The following ANKRD36 variants were observed in gnomAD, a reference collection of about 807,000 sequenced individuals.
ANKRD36 encodes the protein ankyrin repeat domain-containing protein 36A.
Under a neutral mutation model 278.1 loss-of-function variants are expected in ANKRD36, and 179 were observed. The ratio of observed to expected loss-of-function variants is 0.64; its 90% CI spans 0.57 to 0.73. ANKRD36 has a LOEUF of 0.73. Among genes scored for constraint, ANKRD36 ranks in the 30% least tolerant of loss-of-function variants. ANKRD36 has a pLI of 0.00. For synonymous variants in ANKRD36, 320 were observed against 641.1 expected (o/e 0.50, Z 7.57); for missense variants, 1,159 against 1,956.7 (o/e 0.59, Z 7.69).
In ANKRD36 at chr2:97,200,336, T is replaced by A. The variant is rs771732501; in HGVS notation, c.2758T>A (p.Ser920Thr). 4 of 1,607,240 alleles carry A rather than the reference T, an allele frequency of 2.5e-6. No homozygotes were observed. The highest frequency in any genetic ancestry group is 3.4e-6 in the Non-Finnish European group (4 of 1,178,700). ...KKDGEKTKRV[S>T]SRKKPSLEAT... Reference sequence around the variant, plus strand: ...TATGTATCCCTTTTGCTTTTCAGTGTCTTCTCGGAAAAAACCATCCTTGGA... The same window carrying A: ...TATGTATCCCTTTTGCTTTTCAGTGACTTCTCGGAAAAAACCATCCTTGGA... Residue 920 changes from serine to threonine, a missense_variant and splice_region_variant, in exon 45 of 76, where the codon TCT (serine) becomes ACT (threonine). Transcript: ENST00000420699.
chr2:97,231,338 G>A (rs1416159302), intron 67 of ANKRD36, among the ~76,000 whole-genome samples: 1 of 152,164 alleles, frequency 6.6e-6, no homozygotes, highest in Non-Finnish European at 1.5e-5. Flanking sequence ...CTGGGCAATG[G>A]CAGGTGCCCC....
intron 32 of ANKRD36, among the ~76,000 whole-genome samples, chr2:97,187,867 A>T (rs945518788): frequency 3.3e-5 from 5 of 151,802 alleles, no homozygotes; most frequent in Non-Finnish European, 7.4e-5. Context: ...TTCCCAAGGA[A>T]GATGGATTGT....
intron 32 of ANKRD36, among the ~76,000 whole-genome samples, chr2:97,188,552 A>G (rs558976874): frequency 2.5e-4 from 35 of 140,414 alleles, no homozygotes; most frequent in African/African-American, 8.5e-4. Flanking sequence ...GCAAACAGAT[A>G]TCCAAGGTGA....
chr2:97,191,276 C>A, intron 36 of ANKRD36, 95 bp downstream of exon 36: 2 of 1,311,342 alleles, frequency 1.5e-6, no homozygotes, highest in South Asian at 1.5e-5. Flanking sequence ...GTCGAAGCTG[C>A]ACATTATCAT....
chr2:97,187,494 G>GGGGGGTGC, intron 32 of ANKRD36, 93 bp downstream of exon 32: 1 of 95,518 alleles, frequency 1.0e-5, no homozygotes, highest in South Asian at 1.4e-4. Flanking sequence ...GGGTGGGGGG[G>GGGGGGTGC]CTCGCCGAAG....
At chr2:97,183,676 A>C (rs1265765057) in intron 28 of ANKRD36, 22 bp downstream of exon 28, 3 of 1,558,708 alleles carry the variant, frequency 1.9e-6, no homozygotes, top group Non-Finnish European at 2.6e-6. Flanking sequence ...ATACACATTT[A>C]ATGTCATGTG....
intron 6 of ANKRD36, among the ~76,000 whole-genome samples, chr2:97,129,920 A>G (rs1250603395): frequency 2.6e-5 from 4 of 151,846 alleles, no homozygotes; most frequent in African/African-American, 9.7e-5. Flanking sequence ...CTCCAGCTTT[A>G]TTCTTTTGGC....
chr2:97,209,383 T>C (rs1216435852), intron 54 of ANKRD36, among the ~76,000 whole-genome samples: 6 of 146,744 alleles, frequency 4.1e-5, no homozygotes, highest in Admixed American at 1.3e-4. Context: ...TGATTTTAGA[T>C]CACATTTGTC....
At chr2:97,170,630 ACATAGGCATGGG>A (rs1193772808) in intron 22 of ANKRD36, among the ~76,000 whole-genome samples, 2 of 151,992 alleles carry the variant, frequency 1.3e-5, no homozygotes, top group Non-Finnish European at 2.9e-5. Flanking sequence ...ACCATTCAGG[ACATAGGCATGGG>A]CAAGGACTTC....
intron 54 of ANKRD36, among the ~76,000 whole-genome samples, chr2:97,209,128 A>G (rs2063666269): frequency 2.0e-5 from 3 of 146,676 alleles, no homozygotes; most frequent in South Asian, 4.2e-4. Flanking sequence ...ATTATCTACT[A>G]GGTATCAGCA....
At chr2:97,207,522 C>A (rs1558786034) in intron 52 of ANKRD36, among the ~76,000 whole-genome samples, 1 of 151,518 alleles carries the variant, frequency 6.6e-6, no homozygotes, top group African/African-American at 2.4e-5. Context: ...ATCACTTTGT[C>A]CTCATCACTC....
chr2:97,156,197 A>AT lies in ANKRD36; in HGVS notation c.1260+1461dup, dbSNP rs59468750. 2.8e-5 allele frequency among the ~76,000 whole-genome samples: 4 copies of AT among 145,166 alleles called. No individual in the cohort carries two copies. The East Asian group carries it at 7.9e-4, about 29-fold the overall frequency. ...CCCAACCATGTTCTATTAAATACAT[A>AT]TTTTTCAGGACATACATTACTCTTT... On this transcript the variant is annotated intron_variant, in intron 15 of 75. Transcript: ENST00000420699.
intron 6 of ANKRD36, among the ~76,000 whole-genome samples, chr2:97,134,350 A>G (rs2040939167): frequency 6.6e-6 from 1 of 152,074 alleles, no homozygotes; most frequent in African/African-American, 2.4e-5. Context: ...AAATGACTTC[A>G]TGCTGTGTAC....
At chr2:97,152,633 A>G (rs2046364854) in intron 14 of ANKRD36, 99 bp downstream of exon 14, 3 of 1,001,474 alleles carry the variant, frequency 3.0e-6, no homozygotes, top group South Asian at 1.9e-5. Flanking sequence ...GCTGGACACC[A>G]TATTACATGC....
intron 15 of ANKRD36, 68 bp from the exon 16 acceptor site, chr2:97,158,039 A>G (rs1178493750): frequency 1.6e-6 from 2 of 1,263,816 alleles, no homozygotes; most frequent in Non-Finnish European, 2.2e-6. Flanking sequence ...TAGATCATGT[A>G]GTAATGGTGG....
chr2:97,129,684 A>C (rs2039564603), intron 6 of ANKRD36, among the ~76,000 whole-genome samples: 1 of 152,022 alleles, frequency 6.6e-6, no homozygotes, highest in Non-Finnish European at 1.5e-5. Flanking sequence ...TCAGCTTTCT[A>C]CATATGGCTA....
intron 69 of ANKRD36, among the ~76,000 whole-genome samples, chr2:97,242,089 AGACCAGTCTG>A (rs1209331784): frequency 4.8e-5 from 7 of 145,282 alleles, no homozygotes; most frequent in African/African-American, 1.8e-4. Flanking sequence ...CAGGAGTTCG[AGACCAGTCTG>A]CCCAACACAG....
At chr2:97,156,611 A>G (rs1252879889) in intron 15 of ANKRD36, among the ~76,000 whole-genome samples, 71 of 133,758 alleles carry the variant, frequency 5.3e-4, no homozygotes, top group African/African-American at 1.5e-3. Context: ...TTCTTAATCC[A>G]GTCTATCATT....
rs1468800468 is a variant in ANKRD36 at position 97,243,170 on chromosome 2, C to T, written c.4308-676C>T. On this transcript the variant is annotated intron_variant, in intron 69 of 75. Coordinates refer to ENST00000420699, the MANE Select transcript of ANKRD36 (RefSeq NM_001354587.1). ...TCAGGAGGTCCTGAGAACATGTGCC[C>T]GAGGTGGTCGGGGTGCAGCTTGGTT... Among the ~76,000 whole-genome samples the T allele has an allele frequency of 4.9e-5, 7 of 142,618 alleles. 1 individual carries two copies. Among genetic ancestry groups the T allele is most frequent in the South Asian group, 2.4e-4 (1 of 4,210 alleles). 93.6% of individuals were successfully genotyped at this position (142,618 alleles called of 152,430 possible). A position where few individuals can be genotyped will look rare whatever the true frequency, so the allele number is the denominator to read the frequency against.
Sources: allele counts gnomAD v4.1 joint callset (sites outside exome capture counted in the v4.1 genomes callset), GRCh38; gene constraint gnomAD v4.1.1; transcripts MANE v1.5; gene names NCBI Gene and HGNC (gene_info 2026-07-23, HGNC 2026-07-21).